Variants in ATM observed in about 807,000 individuals in gnomAD.
The protein encoded by ATM is serine-protein kinase ATM.
In ATM, 308 loss-of-function variants were observed where a neutral mutation model predicts 387.0. The ratio of observed to expected loss-of-function variants is 0.80; its 90% CI spans 0.73 to 0.87. ATM has a LOEUF of 0.87. Among genes scored for constraint, ATM ranks in the 40% least tolerant of loss-of-function variants. ATM has a pLI of 0.00. For synonymous variants in ATM, 1,156 were observed against 1,187.3 expected, an observed-to-expected ratio of 0.97 and a Z score of 0.54; for missense variants, 3,312 against 3,560.9, an observed-to-expected ratio of 0.93 and a Z score of 1.78.
chr11:108,312,639 G>A, intron 40 of ATM, 141 bp downstream of exon 40: 1 of 643,974 alleles, frequency 1.6e-6, no homozygotes, highest in Non-Finnish European at 2.7e-6. Flanking sequence ...TAAAATTATG[G>A]TCTGAAGCTT....
chr11:108,264,544 T>C (rs937924876), intron 16 of ATM, among the ~76,000 whole-genome samples: 1 of 151,462 alleles, frequency 6.6e-6, no homozygotes, highest in African/African-American at 2.4e-5. Context: ...GGGCAAAAAC[T>C]GGAAGCATTC....
chr11:108,297,380 T>C lies in ATM; in HGVS notation c.5003T>C (p.Leu1668Pro). The change falls in exon 33 of 63, where the codon CTA becomes CCA. Residue 1668 changes from leucine to proline, a missense_variant and splice_region_variant. Physicochemically the swap from Leu to Pro is moderately conservative, Grantham distance 98 (BLOSUM62 -3). This residue lies in a region of ATM where 1,405 missense variants were observed against 1,604.4 expected (regional missense o/e 0.88). Transcript: ENST00000675843. The part of the protein sequence containing the change: ...AINHTGEKEV[L>P]EAVGSCLGEV... ...AACCACACTGGTGAAAAAGAAGTTC[T>C]AGGTAAACTACAGTCATGCGCTGCG... 6.2e-7 allele frequency: 1 copy of C among 1,612,384 alleles called. No individual in the cohort carries two copies. The highest frequency in any genetic ancestry group is 2.2e-5 in the East Asian group (1 of 44,816).
intron 51 of ATM, 154 bp downstream of exon 51, chr11:108,331,711 T>G: frequency 1.5e-6 from 2 of 1,313,300 alleles, no homozygotes; most frequent in Non-Finnish European, 2.1e-6. Flanking sequence ...TCATTTTCTC[T>G]CTCTAATTCC....
intron 16 of ATM, among the ~76,000 whole-genome samples, chr11:108,266,663 C>T (rs1027370780): frequency 1.3e-5 from 2 of 151,676 alleles, no homozygotes; most frequent in African/African-American, 4.8e-5. Context: ...TTAAAGTTTG[C>T]ATATTATTTT....
intron 16 of ATM, among the ~76,000 whole-genome samples, chr11:108,266,666 A>G (rs940002132): frequency 3.3e-5 from 5 of 151,756 alleles, no homozygotes; most frequent in Admixed American, 6.6e-5. Flanking sequence ...AAGTTTGCAT[A>G]TTATTTTGTT....
chr11:108,330,366 T>G lies in ATM; in HGVS notation c.7460T>G (p.Leu2487Arg), dbSNP rs2086130504. The G allele has an allele frequency of 6.2e-7, 1 of 1,614,098 alleles. No homozygotes were observed. The part of the protein sequence containing the change: ...GEEHDMWVFR[L>R]CSLWLENSGV... ...GAACATGATATGTGGGTATTCCGACTTTGTTCCCTCTGGCTTGAAAATTCT... is the reference window on the plus strand; with the variant it reads ...GAACATGATATGTGGGTATTCCGACGTTGTTCCCTCTGGCTTGAAAATTCT... Residue 2487 changes from leucine (L) to arginine (R), a missense_variant, in exon 50 of 63, where the codon CTT (leucine) becomes CGT (arginine). By Grantham distance (102) the Leu-to-Arg change is moderately radical (BLOSUM62 -2). Coordinates refer to ENST00000675843, the MANE Select transcript of ATM (RefSeq NM_000051.4).
At position 108,325,296 on chromosome 11, in the gene ATM, G is replaced by A. The variant is rs1173909268; in HGVS notation, c.6573-14G>A. 1.3e-6 allele frequency: 1 copy of A among 790,408 alleles called. No individual in the cohort carries two copies. Among genetic ancestry groups the A allele is most frequent in the Non-Finnish European group, 2.0e-6 (1 of 507,968 alleles). 49.0% of individuals were successfully genotyped at this position (790,408 alleles called of 1,614,324 possible). On this transcript the variant is annotated splice_polypyrimidine_tract_variant and intron_variant, in intron 45 of 62. Coordinates refer to ENST00000675843, the MANE Select transcript of ATM (RefSeq NM_000051.4). ...TTTCTCTTGCTTACATGAACTCTAT[G>A]TCGTGGCATTCAGATCAGTCACACA...
rs2135242772 is a variant in ATM at position 108,244,976 on chromosome 11, A to T, written c.851A>T (p.Gln284Leu). The T allele has an allele frequency of 6.2e-7, 1 of 1,612,832 alleles. No individual in the cohort carries two copies. The highest frequency in any genetic ancestry group is 8.5e-7 in the Non-Finnish European group (1 of 1,179,778). Residue 284 changes from glutamine to leucine, a missense_variant, in exon 7 of 63, where the codon CAA (glutamine) becomes CTA (leucine). By Grantham distance (113) the Gln-to-Leu change is moderately radical. Transcript: ENST00000675843. ...AAAGAAGTCATTATTGAATTATTTC[A>T]ACTGCAAATTTATATCCATCATCCG... ...SLKEVIIELF[Q>L]LQIYIHHPKG...
intron 5 of ATM, among the ~76,000 whole-genome samples, chr11:108,240,990 A>G (rs2079527053): frequency 6.6e-6 from 1 of 152,148 alleles, no homozygotes; most frequent in Admixed American, 6.5e-5. Flanking sequence ...TTTTCCTTAT[A>G]TACTTATAGA....
intron 54 of ATM, 122 bp downstream of exon 54, chr11:108,334,090 C>T (rs753630068): frequency 6.7e-6 from 5 of 744,104 alleles, no homozygotes; most frequent in Non-Finnish European, 1.1e-5. Flanking sequence ...TCATATGTTT[C>T]AACCTATAAT....
chr11:108,234,935 G>A (rs897261503), intron 4 of ATM, among the ~76,000 whole-genome samples: 1 of 152,104 alleles, frequency 6.6e-6, no homozygotes, highest in South Asian at 2.1e-4. Context: ...TATTCTCCTT[G>A]TAATCTTATG....
In ATM at chr11:108,267,169, A is replaced by T. The variant is rs1555082050; in HGVS notation, c.2467-2A>T. 6.2e-7 allele frequency: 1 copy of T among 1,613,884 alleles called. No homozygotes were observed. On this transcript the variant is annotated splice_acceptor_variant, in intron 16 of 62. Coordinates refer to ENST00000675843, the MANE Select transcript of ATM (RefSeq NM_000051.4). LOFTEE classifies it high-confidence loss of function. ...GAACATCTTTGTTTCTCTTCCTTGA[A>T]GGCATCCTTCATCAAAAAGCCATTT...
chr11:108,257,299 T>C (rs190481273), intron 14 of ATM, among the ~76,000 whole-genome samples, 182 bp from the exon 15 acceptor site: 9 of 152,370 alleles, frequency 5.9e-5, no homozygotes, highest in East Asian at 5.8e-4. Flanking sequence ...TTTTAAAAAA[T>C]TGTTAATGAG....
chr11:108,286,922 CTCAT>C (rs768458817), intron 26 of ATM, among the ~76,000 whole-genome samples: 22 of 152,140 alleles, frequency 1.4e-4, no homozygotes, highest in Non-Finnish European at 3.1e-4. Flanking sequence ...CTTCACAATT[CTCAT>C]TCATTTAACT....
chr11:108,343,978 C>A (rs1041820994), intron 57 of ATM, among the ~76,000 whole-genome samples: 6 of 152,118 alleles, frequency 3.9e-5, no homozygotes, highest in African/African-American at 1.2e-4. Flanking sequence ...TCACAAATAT[C>A]AAATATTACG....
At chr11:108,325,002 T>C (rs2085504146) in intron 45 of ATM, among the ~76,000 whole-genome samples, 1 of 152,170 alleles carries the variant, frequency 6.6e-6, no homozygotes. Flanking sequence ...CTGATGAATA[T>C]GTTCTTGTTT....
intron 24 of ATM, among the ~76,000 whole-genome samples, chr11:108,282,004 C>T (rs536452865): frequency 6.6e-6 from 1 of 152,248 alleles, no homozygotes; most frequent in Admixed American, 6.5e-5. Context: ...CTCACTCTGT[C>T]ACCCAAGCTG....
At chr11:108,255,788 C>A (rs1213638981) in intron 13 of ATM, among the ~76,000 whole-genome samples, 1 of 152,158 alleles carries the variant, frequency 6.6e-6, no homozygotes. Context: ...GTCTAAAAAG[C>A]TGAATAAGTC....
intron 60 of ATM, 95 bp downstream of exon 60, chr11:108,353,975 A>G (rs1276807164): frequency 1.7e-6 from 2 of 1,200,706 alleles, no homozygotes; most frequent in South Asian, 2.4e-5. Context: ...CAGCTGCTCA[A>G]GAGGCTGAAG....
Sources: gnomAD v4.1 joint callset for allele counts (sites outside exome capture counted in the v4.1 genomes callset) on GRCh38, gnomAD v4.1.1 for gene constraint, gnomAD v4.1.1 regional missense constraint, MANE v1.5 for transcripts, NCBI Gene and HGNC (gene_info 2026-07-23, HGNC 2026-07-21) for gene names.